The following GPC3 variants were observed in gnomAD, a reference collection of about 807,000 sequenced individuals.
GPC3 encodes glypican-3.
Under a neutral mutation model 34.4 loss-of-function variants are expected in GPC3, and 3 were observed. The ratio of observed to expected loss-of-function variants is 0.09; its 90% CI spans 0.04 to 0.23. The LOEUF (loss-of-function observed/expected upper bound fraction) is 0.23, where lower values mean the gene tolerates loss of function less well. GPC3 is among the 10% of genes least tolerant of loss of function. The probability of loss-of-function intolerance (pLI) is 1.00; values close to 1 mark genes in which losing one functional copy is unlikely to be tolerated. For synonymous variants in GPC3, 177 were observed against 174.0 expected (o/e 1.02, Z -0.13); for missense variants, 351 against 445.6 (o/e 0.79, Z 1.91).
chrX:133,609,619 A>G (rs2070087848), intron 6 of GPC3, among the ~76,000 whole-genome samples: 3 of 112,443 alleles, frequency 2.7e-5, no homozygotes, highest in African/African-American at 9.7e-5. Context: ...AACAAAATTC[A>G]TAGTCATTTA....
At chrX:133,590,590 CCTT>C (rs1187887064) in intron 7 of GPC3, among the ~76,000 whole-genome samples, 3 of 111,810 alleles carry the variant, frequency 2.7e-5, no homozygotes, top group Non-Finnish European at 5.6e-5. Context: ...ACTACTAAAA[CCTT>C]CTTATTATTA....
chrX:133,773,116 T>C (rs1376442567), intron 2 of GPC3, among the ~76,000 whole-genome samples: 1 of 111,258 alleles, frequency 9.0e-6, no homozygotes, highest in African/African-American at 3.3e-5. Flanking sequence ...TGGAGTGCAA[T>C]GGTGCAATCT....
chrX:133,788,428 C>T (rs73564982), intron 2 of GPC3, among the ~76,000 whole-genome samples: 5,977 of 109,147 alleles, frequency 0.055, 449 homozygotes, highest in African/African-American at 0.19. Flanking sequence ...CTATGATCAA[C>T]CCTTTCTTCC....
intron 2 of GPC3, among the ~76,000 whole-genome samples, chrX:133,933,957 T>G (rs1226413997): frequency 2.9e-5 from 3 of 103,517 alleles, no homozygotes; most frequent in Non-Finnish European, 3.9e-5. Context: ...CTCAGCCTCC[T>G]GGGTTCAAGC....
At chrX:133,834,218 G>A (rs2075789454) in intron 2 of GPC3, among the ~76,000 whole-genome samples, 1 of 111,832 alleles carries the variant, frequency 8.9e-6, no homozygotes, top group Admixed American at 9.6e-5. Flanking sequence ...TGTGGCAGCT[G>A]TTGTCCAAAA....
At chrX:133,621,378 G>C (rs1481012429) in intron 6 of GPC3, among the ~76,000 whole-genome samples, 3 of 111,885 alleles carry the variant, frequency 2.7e-5, no homozygotes, top group Non-Finnish European at 5.6e-5. Flanking sequence ...GAAGTGCAAG[G>C]GGTTGGGGAA....
intron 1 of GPC3, among the ~76,000 whole-genome samples, chrX:133,961,951 T>C (rs1456351713): frequency 8.9e-6 from 1 of 111,876 alleles, no homozygotes; most frequent in Non-Finnish European, 1.9e-5. Flanking sequence ...AGTACATATC[T>C]GATTATGTCA....
intron 2 of GPC3, among the ~76,000 whole-genome samples, chrX:133,850,521 C>T (rs1402429631): frequency 9.0e-6 from 1 of 110,902 alleles, no homozygotes; most frequent in Non-Finnish European, 1.9e-5. Context: ...CCAAGGCTGC[C>T]AGCCTTGGTC....
chrX:133,599,586 C>T (rs778976871), intron 6 of GPC3, among the ~76,000 whole-genome samples: 1 of 111,735 alleles, frequency 8.9e-6, no homozygotes, highest in African/African-American at 3.2e-5. Flanking sequence ...GATCCATAAA[C>T]CATTCTTTGA....
chrX:133,826,157 A>G (rs1244744303), intron 2 of GPC3, among the ~76,000 whole-genome samples: 1 of 112,013 alleles, frequency 8.9e-6, no homozygotes, highest in East Asian at 2.8e-4. Context: ...ATTATAGCCC[A>G]TACACAGAAG....
At chrX:133,615,148 AT>A (rs938794011) in intron 6 of GPC3, among the ~76,000 whole-genome samples, 2 of 111,963 alleles carry the variant, frequency 1.8e-5, no homozygotes, top group Non-Finnish European at 3.8e-5. Flanking sequence ...CCTCCACAAA[AT>A]TTTCAAAAAA....
At chrX:133,944,753 C>A (rs775818106) in intron 2 of GPC3, among the ~76,000 whole-genome samples, 1 of 112,347 alleles carries the variant, frequency 8.9e-6, no homozygotes, top group South Asian at 3.7e-4. Context: ...ATATTTCATA[C>A]ATATATATGC....
chrX:133,877,833 T>C (rs1337297891), intron 2 of GPC3, among the ~76,000 whole-genome samples: 2 of 111,935 alleles, frequency 1.8e-5, no homozygotes, highest in South Asian at 3.7e-4. Context: ...TTCAAAGCAG[T>C]ACATATTACA....
intron 2 of GPC3, among the ~76,000 whole-genome samples, chrX:133,884,971 T>C (rs1328564151): frequency 8.9e-6 from 1 of 112,380 alleles, no homozygotes; most frequent in African/African-American, 3.2e-5. Flanking sequence ...CTCTTGACTA[T>C]TGCACATTGG....
intron 2 of GPC3, chrX:133,762,834 G>A (rs1371850322): frequency 3.8e-6 from 2 of 524,234 alleles, no homozygotes; most frequent in African/African-American, 4.6e-5. Flanking sequence ...TGAAATAGAA[G>A]GGTGTCCTTA....
chrX:133,969,192 T>C (rs1281604817), intron 1 of GPC3, among the ~76,000 whole-genome samples: 1 of 110,828 alleles, frequency 9.0e-6, no homozygotes, highest in Non-Finnish European at 1.9e-5. Flanking sequence ...CCTGAGGAGA[T>C]TACTAGATTT....
chrX:133,840,357 G>A (rs1171955274), intron 2 of GPC3, among the ~76,000 whole-genome samples: 1 of 110,967 alleles, frequency 9.0e-6, no homozygotes, highest in Non-Finnish European at 1.9e-5. Context: ...GCTAGGGGAG[G>A]GGGTTTGGAA....
chrX:133,671,327 A>G (rs1010047908), intron 5 of GPC3: 1 of 727,297 alleles, frequency 1.4e-6, no homozygotes, highest in African/African-American at 2.1e-5. Flanking sequence ...GAACCCAATA[A>G]AGAAAGTCAG....
chrX:133,918,383 C>T (rs2076233729), intron 2 of GPC3, among the ~76,000 whole-genome samples: 1 of 112,488 alleles, frequency 8.9e-6, no homozygotes, highest in Non-Finnish European at 1.9e-5. Flanking sequence ...CCATAGTATA[C>T]TGACAGTTTA....
Sources: allele counts gnomAD v4.1 joint callset (sites outside exome capture counted in the v4.1 genomes callset), GRCh38; gene constraint gnomAD v4.1.1; transcripts MANE v1.5; gene names NCBI Gene and HGNC (gene_info 2026-07-23, HGNC 2026-07-21).